Variants in PTPRG observed in about 807,000 individuals in gnomAD.
PTPRG encodes the protein protein tyrosine phosphatase receptor type G.
A neutral mutation model predicts 165.3 loss-of-function variants in PTPRG; 102 were observed. The observed-to-expected ratio is 0.62, with a 90% CI of 0.53 to 0.73. PTPRG has a LOEUF of 0.73. Ranked by LOEUF, PTPRG falls within the 30% of genes least tolerant of loss-of-function variation. The probability of loss-of-function intolerance (pLI) is 0.00; values close to 1 mark genes in which losing one functional copy is unlikely to be tolerated. For synonymous variants in PTPRG, 675 were observed against 669.5 expected (o/e 1.01, Z -0.13); for missense variants, 1,866 against 1,861.4 (o/e 1.00, Z -0.05).
chr3:61,930,561 C>T (rs1327617172), intron 2 of PTPRG, among the ~76,000 whole-genome samples: 2 of 152,076 alleles, frequency 1.3e-5, no homozygotes, highest in African/African-American at 4.8e-5. Context: ...CAGTTAAAGA[C>T]AAATTACAAG....
intron 1 of PTPRG, among the ~76,000 whole-genome samples, chr3:61,698,020 C>T (rs750950290): frequency 3.9e-5 from 6 of 152,202 alleles, no homozygotes; most frequent in South Asian, 4.2e-4. Context: ...TGTATTTCTC[C>T]GTGACTCTTC....
chr3:61,809,516 A>G (rs962471728), intron 2 of PTPRG, among the ~76,000 whole-genome samples: 3 of 152,098 alleles, frequency 2.0e-5, no homozygotes, highest in African/African-American at 7.2e-5. Flanking sequence ...TAAGGGTTGA[A>G]AAACATGAGG....
chr3:61,984,244 A>T (rs2040705638), intron 2 of PTPRG, among the ~76,000 whole-genome samples: 1 of 152,206 alleles, frequency 6.6e-6, no homozygotes, highest in African/African-American at 2.4e-5. Context: ...TGCAGAAATG[A>T]GCTATAGGTT....
At chr3:61,778,756 A>G (rs985840221) in intron 2 of PTPRG, among the ~76,000 whole-genome samples, 2 of 152,114 alleles carry the variant, frequency 1.3e-5, no homozygotes, top group African/African-American at 2.4e-5. Context: ...AGCAGGATTG[A>G]TTTTAGGCAA....
intron 4 of PTPRG, among the ~76,000 whole-genome samples, chr3:62,010,112 T>C (rs1343617171): frequency 1.3e-5 from 2 of 152,086 alleles, no homozygotes; most frequent in Non-Finnish European, 2.9e-5. Flanking sequence ...AGAGACAAGG[T>C]CTTGCTATGT....
chr3:61,729,662 A>G (rs4688660), intron 1 of PTPRG, among the ~76,000 whole-genome samples: 43,418 of 152,036 alleles, frequency 0.29, 7,033 homozygotes, highest in East Asian at 0.75. Context: ...GGTTTAACAT[A>G]CTCATTTTTT....
At chr3:61,701,043 T>C (rs2030925086) in intron 1 of PTPRG, among the ~76,000 whole-genome samples, 1 of 152,198 alleles carries the variant, frequency 6.6e-6, no homozygotes, top group Non-Finnish European at 1.5e-5. Flanking sequence ...TGGAAACCTA[T>C]GCAGTGGGAG....
chr3:62,193,608 T>G (rs1414995547), intron 9 of PTPRG, among the ~76,000 whole-genome samples: 1 of 152,212 alleles, frequency 6.6e-6, no homozygotes, highest in Non-Finnish European at 1.5e-5. Context: ...TTCCGCATCG[T>G]CACCACAAAC....
intron 2 of PTPRG, among the ~76,000 whole-genome samples, chr3:61,849,634 C>T (rs2036905125): frequency 6.6e-6 from 1 of 152,192 alleles, no homozygotes. Flanking sequence ...CCCACACAGT[C>T]ATCAAAAGAT....
At chr3:61,737,458 G>T (rs2032761616) in intron 1 of PTPRG, among the ~76,000 whole-genome samples, 1 of 152,126 alleles carries the variant, frequency 6.6e-6, no homozygotes, top group Non-Finnish European at 1.5e-5. Flanking sequence ...TTTTTGATAA[G>T]CAGGAGTTAG....
At chr3:61,605,536 G>A (rs1351968162) in intron 1 of PTPRG, among the ~76,000 whole-genome samples, 1 of 151,580 alleles carries the variant, frequency 6.6e-6, no homozygotes, top group African/African-American at 2.4e-5. Context: ...GATTACAGGT[G>A]TGAGCCACCA....
At chr3:61,582,825 G>A (rs1700333833) in intron 1 of PTPRG, among the ~76,000 whole-genome samples, 1 of 152,222 alleles carries the variant, frequency 6.6e-6, no homozygotes, top group Admixed American at 6.5e-5. Context: ...TTAGCACTTT[G>A]CTTCGGGTTT....
At chr3:61,823,691 A>G (rs528889070) in intron 2 of PTPRG, among the ~76,000 whole-genome samples, 17 of 152,348 alleles carry the variant, frequency 1.1e-4, no homozygotes, top group African/African-American at 3.6e-4. Context: ...GTGAAAGGAA[A>G]AACAACTTGT....
chr3:62,193,740 G>A (rs1213714207), intron 9 of PTPRG, among the ~76,000 whole-genome samples: 2 of 152,206 alleles, frequency 1.3e-5, no homozygotes, highest in Non-Finnish European at 2.9e-5. Context: ...AGCAGCAGGT[G>A]TGGCCACAAT....
intron 3 of PTPRG, among the ~76,000 whole-genome samples, chr3:61,996,795 G>A (rs1053792925): frequency 2.0e-5 from 3 of 152,152 alleles, no homozygotes; most frequent in African/African-American, 7.2e-5. Context: ...CCTGAACCCT[G>A]GAATTGAGCT....
At chr3:61,761,147 C>A (rs1402675006) in intron 2 of PTPRG, among the ~76,000 whole-genome samples, 1 of 152,182 alleles carries the variant, frequency 6.6e-6, no homozygotes, top group African/African-American at 2.4e-5. Flanking sequence ...AATGGTATTT[C>A]TGATTCTAGG....
At chr3:61,788,710 G>GA (rs2034784551) in intron 2 of PTPRG, among the ~76,000 whole-genome samples, 1 of 152,202 alleles carries the variant, frequency 6.6e-6, no homozygotes, top group Non-Finnish European at 1.5e-5. Flanking sequence ...GAGACACATG[G>GA]TTAATATTTT....
At chr3:62,173,347 G>C (rs1436298467) in intron 8 of PTPRG, among the ~76,000 whole-genome samples, 1 of 152,044 alleles carries the variant, frequency 6.6e-6, no homozygotes, top group Non-Finnish European at 1.5e-5. Flanking sequence ...AATTCTACCA[G>C]TATAGCAGGA....
intron 5 of PTPRG, among the ~76,000 whole-genome samples, chr3:62,106,560 A>G (rs550612950): frequency 3.5e-5 from 5 of 143,688 alleles, no homozygotes; most frequent in African/African-American, 1.3e-4. Flanking sequence ...GGGTGCAGTG[A>G]CGCAATCACG....
Sources: allele counts gnomAD v4.1 joint callset (sites outside exome capture counted in the v4.1 genomes callset), GRCh38; gene constraint gnomAD v4.1.1; transcripts MANE v1.5; gene names NCBI Gene and HGNC (gene_info 2026-07-23, HGNC 2026-07-21).